Variants in GRID2 observed in about 807,000 individuals in gnomAD.
The protein encoded by GRID2 is glutamate ionotropic receptor delta type subunit 2.
A neutral mutation model predicts 114.8 loss-of-function variants in GRID2; 33 were observed. That is an observed-to-expected ratio of 0.29 (90% confidence interval 0.22 to 0.38). The LOEUF (loss-of-function observed/expected upper bound fraction) is 0.38. Among genes scored for constraint, GRID2 ranks in the 10% least tolerant of loss-of-function variants. GRID2 has a pLI of 1.00. For synonymous variants in GRID2, 505 were observed against 449.9 expected, an observed-to-expected ratio of 1.12 and a Z score of -1.55; for missense variants, 1,184 against 1,257.7, an observed-to-expected ratio of 0.94 and a Z score of 0.89.
intron 2 of GRID2, among the ~76,000 whole-genome samples, chr4:93,027,281 C>CT (rs1723968190): frequency 6.6e-6 from 1 of 152,010 alleles, no homozygotes; most frequent in Admixed American, 6.6e-5. Context: ...GTTTGTTTCA[C>CT]TGATGCATAG....
chr4:92,974,129 A>G (rs1753699768), intron 2 of GRID2, among the ~76,000 whole-genome samples: 1 of 152,234 alleles, frequency 6.6e-6, no homozygotes, highest in African/African-American at 2.4e-5. Flanking sequence ...AATCAAAACC[A>G]CAATAAGATA....
chr4:92,459,235 A>G (rs1032387593), intron 1 of GRID2, among the ~76,000 whole-genome samples: 2 of 152,190 alleles, frequency 1.3e-5, no homozygotes, highest in Admixed American at 6.6e-5. Context: ...CGTGTTTTAA[A>G]TAAATCAATA....
At chr4:93,054,172 A>T (rs1035118828) in intron 2 of GRID2, among the ~76,000 whole-genome samples, 2 of 151,972 alleles carry the variant, frequency 1.3e-5, no homozygotes, top group African/African-American at 4.8e-5. Context: ...AAAATTCCTC[A>T]TAGAAATGCT....
At chr4:92,770,543 A>G (rs1240735615) in intron 2 of GRID2, among the ~76,000 whole-genome samples, 1 of 152,120 alleles carries the variant, frequency 6.6e-6, no homozygotes, top group African/African-American at 2.4e-5. Flanking sequence ...ACAATTCATA[A>G]AATAAAGAGG....
chr4:92,776,887 A>G (rs528635115), intron 2 of GRID2, among the ~76,000 whole-genome samples: 109 of 152,194 alleles, frequency 7.2e-4, no homozygotes, highest in African/African-American at 2.4e-3. Context: ...GCTTTTTCTG[A>G]TCCCTGGAGA....
intron 2 of GRID2, among the ~76,000 whole-genome samples, chr4:92,952,650 G>A (rs1240043011): frequency 6.6e-6 from 1 of 152,148 alleles, no homozygotes; most frequent in Non-Finnish European, 1.5e-5. Context: ...AAACATAACT[G>A]AATTGCCTAA....
chr4:93,060,114 G>A (rs951101843), intron 2 of GRID2, among the ~76,000 whole-genome samples: 1 of 152,038 alleles, frequency 6.6e-6, no homozygotes, highest in East Asian at 1.9e-4. Flanking sequence ...GTTTGCTTTG[G>A]CATGAAATGC....
intron 2 of GRID2, among the ~76,000 whole-genome samples, chr4:92,633,415 A>G (rs1392831369): frequency 2.6e-5 from 4 of 152,186 alleles, no homozygotes; most frequent in Non-Finnish European, 5.9e-5. Flanking sequence ...GGGAACAAAC[A>G]AAAGAGCCAG....
At chr4:92,714,829 C>T (rs928047273) in intron 2 of GRID2, among the ~76,000 whole-genome samples, 2 of 152,102 alleles carry the variant, frequency 1.3e-5, no homozygotes, top group Admixed American at 6.5e-5. Flanking sequence ...GGGCCCAGCC[C>T]GTGAAACCAT....
intron 4 of GRID2, among the ~76,000 whole-genome samples, chr4:93,137,990 TGAGATAGGGCCTAGCTCTGTCAC>T (rs1735427297): frequency 6.8e-6 from 1 of 147,180 alleles, no homozygotes; most frequent in Non-Finnish European, 1.5e-5. Context: ...TTTTTTTTTT[TGAGATAGGGCCTAGCTCTGTCAC>T]CCGGGATGGA....
chr4:93,809,103 C>T (rs949233405), exon 2 of GRID2: 1 of 152,176 alleles, frequency 6.6e-6, no homozygotes, highest in African/African-American at 2.4e-5. Flanking sequence ...GTGTTTCTGG[C>T]TTTAAAATCC....
At chr4:93,545,607 G>C (rs1173215382) in intron 13 of GRID2, among the ~76,000 whole-genome samples, 1 of 152,200 alleles carries the variant, frequency 6.6e-6, no homozygotes, top group Non-Finnish European at 1.5e-5. Context: ...GTTACCACCT[G>C]TCCATGGGAG....
intron 13 of GRID2, among the ~76,000 whole-genome samples, chr4:93,526,639 G>A (rs564890631): frequency 2.9e-4 from 44 of 152,112 alleles, no homozygotes; most frequent in African/African-American, 8.2e-4. Context: ...GGGAAACCCC[G>A]TCTCTATTAA....
rs184021805 is a variant in GRID2, at chr4:92,873,576, T to A, written c.245-211419T>A. On this transcript the variant is annotated intron_variant, in intron 2 of 15. Coordinates refer to ENST00000282020, the MANE Select transcript of GRID2 (RefSeq NM_001510.4). ...ATAAAAGATAAAAATTTAGATACGC[T>A]TCTATTGTCAAAAGCCTTGTATATC... Among the ~76,000 whole-genome samples, 719 of 152,302 alleles carry A rather than the reference T, an allele frequency of 4.7e-3. 10 individuals carry two copies. The highest frequency in any genetic ancestry group is 0.016 in the African/African-American group (683 of 41,564).
At chr4:92,677,703 A>T (rs1733446013) in intron 2 of GRID2, among the ~76,000 whole-genome samples, 1 of 152,136 alleles carries the variant, frequency 6.6e-6, no homozygotes, top group Non-Finnish European at 1.5e-5. Context: ...ATCCAGTCGT[A>T]CAAGAAAATT....
At chr4:93,706,600 T>C (rs1170762412) in intron 14 of GRID2, among the ~76,000 whole-genome samples, 1 of 152,208 alleles carries the variant, frequency 6.6e-6, no homozygotes, top group Non-Finnish European at 1.5e-5. Flanking sequence ...GTGTATCACC[T>C]CTAATAGTTT....
chr4:92,773,470 A>G (rs1317091488), intron 2 of GRID2, among the ~76,000 whole-genome samples: 1 of 152,174 alleles, frequency 6.6e-6, no homozygotes, highest in Non-Finnish European at 1.5e-5. Flanking sequence ...AAACAAACAT[A>G]AACTTTTAGT....
intron 2 of GRID2, among the ~76,000 whole-genome samples, chr4:93,022,164 GTATC>G (rs1723428303): frequency 6.6e-6 from 1 of 151,650 alleles, no homozygotes; most frequent in African/African-American, 2.4e-5. Context: ...ATATGCAGAT[GTATC>G]TATCTTTGAT....
At chr4:92,805,858 AT>A (rs1014375491) in intron 2 of GRID2, among the ~76,000 whole-genome samples, 4 of 151,388 alleles carry the variant, frequency 2.6e-5, no homozygotes, top group East Asian at 2.0e-4. Context: ...TCTATATGTT[AT>A]TTTTTTTGAG....
Sources: allele counts gnomAD v4.1 joint callset (sites outside exome capture counted in the v4.1 genomes callset), GRCh38; gene constraint gnomAD v4.1.1; transcripts MANE v1.5; gene names NCBI Gene and HGNC (gene_info 2026-07-23, HGNC 2026-07-21).